FHIT: variants seen among roughly 807,000 people sequenced by gnomAD.
FHIT encodes bis(5'-adenosyl)-triphosphatase.
FHIT carries 19 observed loss-of-function variants against 17.9 expected under a neutral mutation model. The observed-to-expected ratio is 1.06, with a 90% CI of 0.74 to 1.56. FHIT has a LOEUF of 1.56. FHIT is among the 40% of genes most tolerant of loss of function. The pLI is 0.00. For synonymous variants in FHIT, 81 were observed against 69.7 expected, an observed-to-expected ratio of 1.16 and a Z score of -0.81; for missense variants, 248 against 189.2, an observed-to-expected ratio of 1.31 and a Z score of -1.82.
intron 5 of FHIT, among the ~76,000 whole-genome samples, chr3:60,321,461 CAA>C (rs1709428979): frequency 6.6e-6 from 1 of 151,298 alleles, no homozygotes; most frequent in East Asian, 1.9e-4. Flanking sequence ...GGTGACAGAT[CAA>C]GACTAGGTCT....
intron 5 of FHIT, among the ~76,000 whole-genome samples, chr3:60,483,429 G>C (rs2033702525): frequency 6.6e-6 from 1 of 152,112 alleles, no homozygotes; most frequent in African/African-American, 2.4e-5. Context: ...AAAATCCTCT[G>C]TAAAATACTG....
chr3:60,860,968 T>TC (rs1186872551), intron 3 of FHIT, among the ~76,000 whole-genome samples: 16 of 103,178 alleles, frequency 1.6e-4, no homozygotes, highest in Non-Finnish European at 2.1e-4. Flanking sequence ...TACGTATATA[T>TC]CATGTATATA....
chr3:59,853,110 A>G (rs1040390250), intron 8 of FHIT, among the ~76,000 whole-genome samples: 1 of 152,216 alleles, frequency 6.6e-6, no homozygotes, highest in Non-Finnish European at 1.5e-5. Flanking sequence ...CTGTATTCCA[A>G]AGAGGCTGTA....
chr3:61,068,231 T>G (rs2034679245), intron 2 of FHIT, among the ~76,000 whole-genome samples: 1 of 152,228 alleles, frequency 6.6e-6, no homozygotes, highest in Non-Finnish European at 1.5e-5. Context: ...AATCAAGGTG[T>G]AAGCAGACTC....
chr3:60,358,773 G>A (rs1699779286), intron 5 of FHIT, among the ~76,000 whole-genome samples: 1 of 152,192 alleles, frequency 6.6e-6, no homozygotes, highest in Non-Finnish European at 1.5e-5. Flanking sequence ...GGTGAACTGG[G>A]TTATAATCTG....
chr3:60,960,607 C>T lies in FHIT; in HGVS notation c.-111+81440G>A, dbSNP rs538816297. Among the ~76,000 whole-genome samples the T allele has an allele frequency of 6.1e-5, 9 of 147,934 alleles. No homozygotes were observed. In the East Asian group the frequency reaches 1.2e-3, roughly 21 times the overall value. Reference sequence around the variant, plus strand: ...CCCACAACAGGCCCCGGTGTGTGGCCCCGGTGTGTGATGTTCTCCATCCTG... The same window carrying T: ...CCCACAACAGGCCCCGGTGTGTGGCTCCGGTGTGTGATGTTCTCCATCCTG... On this transcript the variant is annotated intron_variant, in intron 3 of 9. Transcript: ENST00000492590.
chr3:60,952,631 A>G (rs543615697), intron 3 of FHIT, among the ~76,000 whole-genome samples: 10 of 152,290 alleles, frequency 6.6e-5, no homozygotes, highest in South Asian at 2.1e-4. Flanking sequence ...AACAAAACCC[A>G]GCAGGTGCAA....
At chr3:60,648,619 C>A (rs1465293122) in intron 4 of FHIT, among the ~76,000 whole-genome samples, 1 of 152,196 alleles carries the variant, frequency 6.6e-6, no homozygotes, top group Non-Finnish European at 1.5e-5. Flanking sequence ...CAGTGAAAAT[C>A]TGGACACCTG....
chr3:61,245,904 C>A (rs998546986), intron 1 of FHIT, among the ~76,000 whole-genome samples: 1 of 152,152 alleles, frequency 6.6e-6, no homozygotes, highest in African/African-American at 2.4e-5. Context: ...TACTAGGCTG[C>A]ATTCCCAGGA....
chr3:60,346,770 A>G (rs1451393631), intron 5 of FHIT, among the ~76,000 whole-genome samples: 1 of 152,202 alleles, frequency 6.6e-6, no homozygotes, highest in African/African-American at 2.4e-5. Context: ...TTTGAGACCT[A>G]CATCCTTTTA....
At chr3:59,881,869 C>T (rs1180008891) in intron 8 of FHIT, among the ~76,000 whole-genome samples, 1 of 152,120 alleles carries the variant, frequency 6.6e-6, no homozygotes, top group Non-Finnish European at 1.5e-5. Context: ...CATATCATTT[C>T]TGGTAGACAA....
At chr3:60,164,616 A>T (rs945311548) in intron 5 of FHIT, among the ~76,000 whole-genome samples, 7 of 152,102 alleles carry the variant, frequency 4.6e-5, no homozygotes, top group Admixed American at 6.5e-5. Context: ...GGTCAAAAAA[A>T]AAAAATAAAA....
chr3:60,722,576 A>G (rs533996685), intron 4 of FHIT, among the ~76,000 whole-genome samples: 22 of 152,164 alleles, frequency 1.4e-4, no homozygotes, highest in African/African-American at 5.3e-4. Flanking sequence ...GTTTAGAAAC[A>G]TCCCTAGTCT....
chr3:60,821,038 T>C (rs1282061967), intron 4 of FHIT, among the ~76,000 whole-genome samples: 1 of 151,950 alleles, frequency 6.6e-6, no homozygotes, highest in East Asian at 1.9e-4. Flanking sequence ...TGCAATGGCA[T>C]GATCTTAGCT....
chr3:61,050,000 T>C (rs1392140249), intron 2 of FHIT, among the ~76,000 whole-genome samples: 1 of 152,080 alleles, frequency 6.6e-6, no homozygotes, highest in Non-Finnish European at 1.5e-5. Context: ...TAGATCACAC[T>C]CCCAATCATA....
At chr3:60,019,432 T>TTTTTTTTTTTTTTTTTTTTTTTTC (rs1700469953) in intron 5 of FHIT, among the ~76,000 whole-genome samples, 1 of 149,458 alleles carries the variant, frequency 6.7e-6, no homozygotes, top group Non-Finnish European at 1.5e-5. Flanking sequence ...TTTTTTTTTT[T>TTTTTTTTTTTTTTTTTTTTTTTTC]CCTGAGATGG....
At chr3:60,055,665 T>C (rs925378461) in intron 5 of FHIT, among the ~76,000 whole-genome samples, 1 of 152,188 alleles carries the variant, frequency 6.6e-6, no homozygotes, top group African/African-American at 2.4e-5. Flanking sequence ...AGCTTTTTGA[T>C]TCCATTCAAT....
chr3:61,183,176 C>T (rs1191570481), intron 2 of FHIT, among the ~76,000 whole-genome samples: 1 of 152,212 alleles, frequency 6.6e-6, no homozygotes, highest in Non-Finnish European at 1.5e-5. Flanking sequence ...TATGTTCTAG[C>T]TCTCTCTGGG....
intron 5 of FHIT, among the ~76,000 whole-genome samples, chr3:60,211,816 A>G (rs1426873376): frequency 6.6e-6 from 1 of 152,208 alleles, no homozygotes; most frequent in Admixed American, 6.5e-5. Flanking sequence ...CCCAAAGATG[A>G]GCCTACAAGT....
Sources: gnomAD v4.1 joint callset for allele counts (sites outside exome capture counted in the v4.1 genomes callset) on GRCh38, gnomAD v4.1.1 for gene constraint, MANE v1.5 for transcripts, NCBI Gene and HGNC (gene_info 2026-07-23, HGNC 2026-07-21) for gene names.